TRPM5: variants seen among roughly 807,000 people sequenced by gnomAD.
The protein encoded by TRPM5 is transient receptor potential cation channel subfamily M member 5.
Under a neutral mutation model 124.9 loss-of-function variants are expected in TRPM5, and 121 were observed. The ratio of observed to expected loss-of-function variants is 0.97; its 90% CI spans 0.84 to 1.13. The LOEUF is 1.13. Ranked by LOEUF, TRPM5 falls within the 50% of genes most tolerant of loss-of-function variation. The pLI is 0.00. For synonymous variants in TRPM5, 781 were observed against 700.5 expected, an observed-to-expected ratio of 1.11 and a Z score of -1.81; for missense variants, 1,643 against 1,589.1, an observed-to-expected ratio of 1.03 and a Z score of -0.58.
chr11:2,443,347 G>C, the TRPM5 span, among the ~76,000 whole-genome samples: 6 of 152,316 alleles, frequency 3.9e-5, no homozygotes, highest in East Asian at 1.9e-4. This position sits in a 1 kb window ranked among gnomAD's most constrained non-coding sequence, Gnocchi z 5.0. Flanking sequence ...GTGTATGTAT[G>C]TTCACCCGGA....
At chr11:2,427,929 G>A (rs1425368680), upstream of TRPM5, among the ~76,000 whole-genome samples, 1 of 152,154 alleles carries the variant, frequency 6.6e-6, no homozygotes, top group Non-Finnish European at 1.5e-5. Flanking sequence ...GTGGGGCATC[G>A]GCCCCCATGG....
the TRPM5 span, among the ~76,000 whole-genome samples, chr11:2,443,829 C>G: frequency 5.1e-4 from 77 of 149,982 alleles, 1 homozygote; most frequent in African/African-American, 1.3e-3. This position sits in a 1 kb window ranked among gnomAD's most constrained non-coding sequence, Gnocchi z 5.0. Context: ...CCCCACCCCC[C>G]CCCCAAGCCT....
chr11:2,438,083 C>T, the TRPM5 span, among the ~76,000 whole-genome samples: 1 of 152,070 alleles, frequency 6.6e-6, no homozygotes, highest in Non-Finnish European at 1.5e-5. This position sits in a 1 kb window ranked among gnomAD's most constrained non-coding sequence, Gnocchi z 5.9. Flanking sequence ...AACAAAAAAA[C>T]CATATGGTCC....
chr11:2,426,197 C>A (rs1808815117), upstream of TRPM5, among the ~76,000 whole-genome samples: 1 of 152,184 alleles, frequency 6.6e-6, no homozygotes, highest in African/African-American at 2.4e-5. Context: ...CAGAGCTGGG[C>A]ACCCAGCAGC....
chr11:2,432,573 G>A, the TRPM5 span, among the ~76,000 whole-genome samples: 4 of 152,236 alleles, frequency 2.6e-5, no homozygotes, highest in African/African-American at 9.6e-5. Flanking sequence ...TCGGGCCTCT[G>A]CTGAGAGAGA....
At chr11:2,425,281 G>C (rs1041017931), upstream of TRPM5, among the ~76,000 whole-genome samples, 1 of 152,208 alleles carries the variant, frequency 6.6e-6, no homozygotes, top group African/African-American at 2.4e-5. Context: ...GCAGGGCCGT[G>C]CTCCCCCTGG....
rs1202965105 is a variant in TRPM5 at position 2,420,419 on chromosome 11, G to A, written c.466-14C>T. On this transcript the variant is annotated splice_polypyrimidine_tract_variant and intron_variant, in intron 3 of 23. Transcript: ENST00000155858. Reference sequence around the variant, plus strand: ...AGGAAAATCCTCCTGCGCCCATGCAGGGAGACGAGGCTGAGCCCTCGAGAG... The same window carrying A: ...AGGAAAATCCTCCTGCGCCCATGCAAGGAGACGAGGCTGAGCCCTCGAGAG... 3 of 1,594,120 alleles carry A rather than the reference G, an allele frequency of 1.9e-6. No individual in the cohort carries two copies. Among genetic ancestry groups the A allele is most frequent in the Non-Finnish European group, 2.6e-6 (3 of 1,167,218 alleles).
the TRPM5 span, among the ~76,000 whole-genome samples, chr11:2,430,776 G>GTGA: frequency 1.3e-5 from 2 of 149,174 alleles, no homozygotes; most frequent in African/African-American, 2.5e-5. Flanking sequence ...GGTGGTGATG[G>GTGA]TGGTGTTGAT....
intron 5 of TRPM5, 23 bp from the exon 11 acceptor site, chr11:2,418,381 A>G (rs761352150): frequency 6.5e-7 from 1 of 1,538,206 alleles, no homozygotes; most frequent in African/African-American, 1.4e-5. Context: ...GGGAGGGGAG[A>G]GCGGACCCCA....
upstream of TRPM5, among the ~76,000 whole-genome samples, chr11:2,425,033 CAG>C: frequency 6.6e-6 from 1 of 152,344 alleles, no homozygotes; most frequent in Non-Finnish European, 1.5e-5. Flanking sequence ...CCGCGGACCG[CAG>C]AGAGGCAGGA....
At chr11:2,411,730 G>C (rs1850456000) in exon 17 of TRPM5, 3 of 1,612,638 alleles carry the variant, frequency 1.9e-6, no homozygotes, top group Non-Finnish European at 2.5e-6. Context: ...TCCATGGCGA[G>C]GACTGTGCGG....
At chr11:2,429,789 T>A in the TRPM5 span, among the ~76,000 whole-genome samples, 1 of 152,006 alleles carries the variant, frequency 6.6e-6, no homozygotes, top group African/African-American at 2.4e-5. This position sits in a 1 kb window ranked among gnomAD's most constrained non-coding sequence, Gnocchi z 8.4. Context: ...CTGTGTTCCC[T>A]TCCAAGTTGT....
At position 2,417,267 on chromosome 11, in the gene TRPM5, C is replaced by T. The variant is rs903306844; in HGVS notation, c.1009+460G>A. On this transcript the variant is annotated intron_variant, in intron 7 of 23. Transcript: ENST00000155858. ...GAGATCGAGACCATCCTGGCTAACACGGTGAAACCCCGTCTCTACTAAAAA... is the reference window on the plus strand; with the variant it reads ...GAGATCGAGACCATCCTGGCTAACATGGTGAAACCCCGTCTCTACTAAAAA... Among the ~76,000 whole-genome samples, 8 of 152,112 alleles carry T rather than the reference C, an allele frequency of 5.3e-5. No individual in the cohort carries two copies. The East Asian group carries it at 1.5e-3, about 29-fold the overall frequency.
At chr11:2,416,095 C>A in intron 7 of TRPM5, 71 bp from the exon 13 acceptor site, 1 of 1,189,690 alleles carries the variant, frequency 8.4e-7, no homozygotes, top group East Asian at 2.5e-5. Context: ...CACAGGGTCC[C>A]CAAAGGTGCG....
chr11:2,414,016 C>CCCCCCCCCCCCCCCCCA, intron 12 of TRPM5, 45 bp downstream of exon 17: 1 of 1,259,554 alleles, frequency 7.9e-7, no homozygotes, highest in Non-Finnish European at 1.1e-6. Context: ...CTCGCCCGCC[C>CCCCCCCCCCCCCCCCCA]ACCCCACCCC....
exon 20 of TRPM5, chr11:2,407,162 G>T: frequency 6.2e-7 from 1 of 1,610,658 alleles, no homozygotes; most frequent in Non-Finnish European, 8.5e-7. Flanking sequence ...TGAAGACCCG[G>T]CGGAGCGTCA....
intron 4 of TRPM5, among the ~76,000 whole-genome samples, chr11:2,419,624 A>G (rs1326254005): frequency 6.7e-5 from 2 of 29,718 alleles, no homozygotes; most frequent in Non-Finnish European, 1.2e-4. Context: ...TTCTGCCTCA[A>G]AAAAAAAAAA....
intron 13 of TRPM5, 46 bp downstream of exon 18, chr11:2,413,430 C>T (rs762803004): frequency 1.1e-5 from 17 of 1,539,410 alleles, no homozygotes; most frequent in Middle Eastern, 1.7e-4. Context: ...CTCCGGCACT[C>T]GCACTGCTGC....
At chr11:2,443,827 C>CCA in the TRPM5 span, among the ~76,000 whole-genome samples, 85 of 147,078 alleles carry the variant, frequency 5.8e-4, no homozygotes, top group African/African-American at 2.1e-3. The surrounding 1 kb of genome is among the most constrained non-coding windows in gnomAD (Gnocchi z 5.0). Context: ...CCCCCCACCC[C>CCA]CCCCCCAAGC....
Sources: allele counts gnomAD v4.1 joint callset (sites outside exome capture counted in the v4.1 genomes callset), GRCh38; gene constraint gnomAD v4.1.1; non-coding constraint Gnocchi (gnomAD v3.1); transcripts MANE v1.5; gene names NCBI Gene and HGNC (gene_info 2026-07-23, HGNC 2026-07-21).